Variants in RPH3A observed in about 807,000 individuals in gnomAD.
RPH3A encodes the protein rabphilin 3A.
RPH3A carries 48 observed loss-of-function variants against 102.2 expected under a neutral mutation model. The observed-to-expected ratio is 0.47, with a 90% CI of 0.37 to 0.60. The LOEUF (loss-of-function observed/expected upper bound fraction) is 0.60, where lower values mean the gene tolerates loss of function less well. Ranked by LOEUF, RPH3A falls within the 20% of genes least tolerant of loss-of-function variation. RPH3A has a pLI of 0.00. For synonymous variants in RPH3A, 310 were observed against 324.3 expected, an observed-to-expected ratio of 0.96 and a Z score of 0.47; for missense variants, 781 against 910.1, an observed-to-expected ratio of 0.86 and a Z score of 1.83.
At chr12:112,825,334 C>T (rs999198306) in intron 2 of RPH3A, among the ~76,000 whole-genome samples, 20 of 152,092 alleles carry the variant, frequency 1.3e-4, no homozygotes, top group East Asian at 5.8e-4. Flanking sequence ...CATTCCCCTC[C>T]GGTTTCTCAC....
intron 1 of RPH3A, among the ~76,000 whole-genome samples, chr12:112,674,424 A>G (rs972585981): frequency 3.3e-5 from 5 of 152,020 alleles, no homozygotes; most frequent in African/African-American, 1.2e-4. Flanking sequence ...AGTCACTACG[A>G]CCTCTTGTAC....
chr12:112,616,215 C>T (rs932395509), intron 1 of RPH3A, among the ~76,000 whole-genome samples: 1 of 152,168 alleles, frequency 6.6e-6, no homozygotes, highest in Non-Finnish European at 1.5e-5. Context: ...GGCATGGTCT[C>T]GGCTCACTGC....
At chr12:112,680,415 C>T (rs74372924) in intron 1 of RPH3A, among the ~76,000 whole-genome samples, 37,216 of 151,976 alleles carry the variant, frequency 0.24, 4,935 homozygotes, top group Admixed American at 0.32. Context: ...TTGCCATGTG[C>T]CAGACACTTA....
intron 2 of RPH3A, among the ~76,000 whole-genome samples, chr12:112,826,554 A>C (rs967533007): frequency 2.6e-5 from 4 of 152,114 alleles, no homozygotes; most frequent in Non-Finnish European, 5.9e-5. Context: ...GAATATCTTC[A>C]CCCCATGGAG....
intron 10 of RPH3A, chr12:112,874,708 G>C: frequency 4.8e-6 from 1 of 207,742 alleles, no homozygotes; most frequent in South Asian, 9.8e-5. Flanking sequence ...GCCAAGCACT[G>C]TTCTGAGCAT....
chr12:112,698,255 C>T (rs964745274), intron 1 of RPH3A, among the ~76,000 whole-genome samples: 1 of 152,120 alleles, frequency 6.6e-6, no homozygotes, highest in Non-Finnish European at 1.5e-5. Flanking sequence ...CAAACATTAG[C>T]TCAAAATGGA....
At chr12:112,825,768 G>A (rs916838303) in intron 2 of RPH3A, among the ~76,000 whole-genome samples, 2 of 152,232 alleles carry the variant, frequency 1.3e-5, no homozygotes, top group East Asian at 1.9e-4. Context: ...GGGGATTCAA[G>A]CTCTAAGCAA....
intron 1 of RPH3A, among the ~76,000 whole-genome samples, chr12:112,678,386 G>C (rs2040202990): frequency 6.6e-6 from 1 of 151,110 alleles, no homozygotes; most frequent in Admixed American, 6.6e-5. Flanking sequence ...AAAGAAAGAA[G>C]AAACAAACAA....
chr12:112,830,737 G>A (rs999379030), intron 3 of RPH3A, among the ~76,000 whole-genome samples: 1 of 151,560 alleles, frequency 6.6e-6, no homozygotes, highest in Non-Finnish European at 1.5e-5. Context: ...CTCTAATAAT[G>A]ATTTTTTGTC....
intron 1 of RPH3A, among the ~76,000 whole-genome samples, chr12:112,677,616 C>T (rs1443508657): frequency 6.6e-6 from 1 of 151,510 alleles, no homozygotes; most frequent in Non-Finnish European, 1.5e-5. Context: ...TAATGTTCTA[C>T]CTGGATGACC....
At chr12:112,841,566 T>C (rs1357760515) in intron 4 of RPH3A, among the ~76,000 whole-genome samples, 1 of 152,212 alleles carries the variant, frequency 6.6e-6, no homozygotes, top group Non-Finnish European at 1.5e-5. Flanking sequence ...GTAAACCCTA[T>C]GATACAAATA....
intron 1 of RPH3A, among the ~76,000 whole-genome samples, chr12:112,712,879 TTTCTTCTTCTTC>T (rs374301306): frequency 4.4e-5 from 6 of 136,846 alleles, no homozygotes; most frequent in South Asian, 2.4e-4. Flanking sequence ...CTCACTTTTT[TTTCTTCTTCTTC>T]TTCTTCTTCT....
chr12:112,716,055 G>A (rs1038465802), intron 1 of RPH3A, among the ~76,000 whole-genome samples: 7 of 152,200 alleles, frequency 4.6e-5, no homozygotes, highest in Non-Finnish European at 1.0e-4. Context: ...TTCTTAGCAT[G>A]CTAATACATT....
At chr12:112,595,624 C>A (rs900308733) in intron 1 of RPH3A, among the ~76,000 whole-genome samples, 1 of 152,146 alleles carries the variant, frequency 6.6e-6, no homozygotes, top group Admixed American at 6.5e-5. Context: ...ACCCCACCCC[C>A]CTAACCACAA....
intron 16 of RPH3A, among the ~76,000 whole-genome samples, chr12:112,885,821 C>T (rs976314170): frequency 2.6e-5 from 4 of 152,144 alleles, no homozygotes; most frequent in African/African-American, 9.7e-5. Flanking sequence ...GGACTATAGT[C>T]ACCCTGTTGT....
At chr12:112,870,310 CAA>C (rs377457634) in intron 10 of RPH3A, among the ~76,000 whole-genome samples, 25 of 105,560 alleles carry the variant, frequency 2.4e-4, no homozygotes, top group Non-Finnish European at 3.0e-4. Flanking sequence ...CTCCCCGCCT[CAA>C]AAAAAAAAAA....
chr12:112,672,440 G>T (rs554196009), intron 1 of RPH3A, among the ~76,000 whole-genome samples: 57 of 152,316 alleles, frequency 3.7e-4, no homozygotes, highest in Non-Finnish European at 7.8e-4. Context: ...AGCCATCACA[G>T]GCTTTGATAC....
At chr12:112,673,814 T>A (rs917404549) in intron 1 of RPH3A, among the ~76,000 whole-genome samples, 2 of 152,094 alleles carry the variant, frequency 1.3e-5, no homozygotes, top group African/African-American at 4.8e-5. Flanking sequence ...TAACCATCCC[T>A]ACTTCCCTCC....
At chr12:112,881,176 A>T (rs2042902617) in intron 14 of RPH3A, among the ~76,000 whole-genome samples, 1 of 152,214 alleles carries the variant, frequency 6.6e-6, no homozygotes. Flanking sequence ...TCTAAGCCCC[A>T]GGAATTTGGG....
Sources: gnomAD v4.1 joint callset for allele counts (sites outside exome capture counted in the v4.1 genomes callset) on GRCh38, gnomAD v4.1.1 for gene constraint, MANE v1.5 for transcripts, NCBI Gene and HGNC (gene_info 2026-07-23, HGNC 2026-07-21) for gene names.